NYAP2: variants seen among roughly 807,000 people sequenced by gnomAD.
NYAP2 encodes the protein neuronal tyrosine-phosphorylated phosphoinositide-3-kinase adapter 2.
In NYAP2, 23 loss-of-function variants were observed where a neutral mutation model predicts 50.4. The ratio of observed to expected loss-of-function variants is 0.46; its 90% CI spans 0.33 to 0.65. The LOEUF (loss-of-function observed/expected upper bound fraction) is 0.65. NYAP2 is among the 30% of genes least tolerant of loss of function. The pLI, the probability that NYAP2 is intolerant of heterozygous loss-of-function variation, is 0.02. For missense variants in NYAP2, 885 were observed against 861.0 expected, an observed-to-expected ratio of 1.03 and a Z score of -0.35; for synonymous variants, 394 against 365.2, an observed-to-expected ratio of 1.08 and a Z score of -0.90.
At chr2:225,525,410 A>T (rs192771362) in intron 4 of NYAP2, among the ~76,000 whole-genome samples, 94 of 152,352 alleles carry the variant, frequency 6.2e-4, no homozygotes, top group African/African-American at 2.2e-3. Flanking sequence ...AATGCAGCAT[A>T]CACATACAAA....
chr2:225,697,089 T>C, the NYAP2 span, among the ~76,000 whole-genome samples: 3 of 151,948 alleles, frequency 2.0e-5, no homozygotes, highest in Admixed American at 6.6e-5. Context: ...ATGTGGAAGC[T>C]TCCACAACCT....
intron 5 of NYAP2, among the ~76,000 whole-genome samples, chr2:225,609,903 A>C (rs1692849990): frequency 6.6e-6 from 1 of 152,146 alleles, no homozygotes; most frequent in Non-Finnish European, 1.5e-5. Flanking sequence ...TGCAGTCAAT[A>C]CTGTATTTAA....
At chr2:225,447,474 A>T (rs992542547) in intron 3 of NYAP2, among the ~76,000 whole-genome samples, 48 of 152,308 alleles carry the variant, frequency 3.2e-4, no homozygotes, top group African/African-American at 1.1e-3. Flanking sequence ...GTTCTACATT[A>T]AGACAATATG....
intron 3 of NYAP2, among the ~76,000 whole-genome samples, chr2:225,489,671 T>A (rs73075273): frequency 0.021 from 3,224 of 152,170 alleles, 93 homozygotes; most frequent in African/African-American, 0.073. Flanking sequence ...TAATCTGGAG[T>A]CATATGGCTA....
intron 3 of NYAP2, among the ~76,000 whole-genome samples, chr2:225,458,082 T>A (rs1689768055): frequency 6.6e-6 from 1 of 152,158 alleles, no homozygotes; most frequent in African/African-American, 2.4e-5. Context: ...ATACGCACAG[T>A]ACAAAAGAGA....
At chr2:225,540,555 C>T (rs549449634) in intron 4 of NYAP2, among the ~76,000 whole-genome samples, 10 of 152,332 alleles carry the variant, frequency 6.6e-5, no homozygotes, top group African/African-American at 2.4e-4. Context: ...GACTCAATTA[C>T]TTCCCACTTG....
At chr2:225,631,407 T>C (rs1022919380) in intron 6 of NYAP2, among the ~76,000 whole-genome samples, 31 of 152,296 alleles carry the variant, frequency 2.0e-4, no homozygotes, top group African/African-American at 7.2e-4. Flanking sequence ...CATACATATT[T>C]TTAGTATGTA....
chr2:225,538,525 T>G (rs1691391111), intron 4 of NYAP2, among the ~76,000 whole-genome samples: 1 of 152,178 alleles, frequency 6.6e-6, no homozygotes, highest in African/African-American at 2.4e-5. Context: ...GTGGCTGGGA[T>G]GCAGGGCACC....
chr2:225,420,842 T>G (rs546831704), intron 3 of NYAP2, among the ~76,000 whole-genome samples: 2 of 152,282 alleles, frequency 1.3e-5, no homozygotes, highest in Middle Eastern at 3.4e-3. Flanking sequence ...TATCCAGCTC[T>G]TTTACATAGA....
intron 6 of NYAP2, among the ~76,000 whole-genome samples, chr2:225,634,458 A>G (rs2106262039): frequency 6.6e-6 from 1 of 152,242 alleles, no homozygotes; most frequent in Admixed American, 6.5e-5. Context: ...AGCATTTTCC[A>G]TCATCATTTA....
At chr2:225,537,426 G>A (rs77269845) in intron 4 of NYAP2, among the ~76,000 whole-genome samples, 2 of 152,186 alleles carry the variant, frequency 1.3e-5, no homozygotes, top group East Asian at 1.9e-4. Context: ...ACATGGCTGG[G>A]GAGGCCTCAC....
intron 6 of NYAP2, among the ~76,000 whole-genome samples, chr2:225,633,932 G>T (rs1247963710): frequency 6.6e-6 from 1 of 152,176 alleles, no homozygotes; most frequent in Non-Finnish European, 1.5e-5. Context: ...TGACCATTAG[G>T]TGGAAGCATG....
chr2:225,614,307 AT>A (rs1000734474), intron 5 of NYAP2, among the ~76,000 whole-genome samples: 1 of 152,204 alleles, frequency 6.6e-6, no homozygotes, highest in African/African-American at 2.4e-5. Flanking sequence ...TAAAATAATC[AT>A]TTTTTAAACT....
At chr2:225,532,771 C>A (rs1574662415) in intron 4 of NYAP2, among the ~76,000 whole-genome samples, 1 of 152,248 alleles carries the variant, frequency 6.6e-6, no homozygotes, top group Non-Finnish European at 1.5e-5. Flanking sequence ...AGGACTGGTA[C>A]CTGCTACTAG....
At chr2:225,663,858 G>C in the NYAP2 span, among the ~76,000 whole-genome samples, 1 of 151,928 alleles carries the variant, frequency 6.6e-6, no homozygotes, top group African/African-American at 2.4e-5. Flanking sequence ...GCCCGGCCCT[G>C]TATCACTTTT....
chr2:225,479,753 C>T (rs547394227), intron 3 of NYAP2, among the ~76,000 whole-genome samples: 6 of 151,980 alleles, frequency 3.9e-5, no homozygotes, highest in East Asian at 1.9e-4. Context: ...AAACTTCAGA[C>T]GATTCAGAGG....
intron 4 of NYAP2, among the ~76,000 whole-genome samples, chr2:225,543,353 T>C (rs1303279352): frequency 6.6e-6 from 1 of 151,982 alleles, no homozygotes; most frequent in African/African-American, 2.4e-5. Flanking sequence ...TTAGGTAATT[T>C]ATTTGAAGTT....
chr2:225,597,437 T>C (rs1212925791), intron 5 of NYAP2, among the ~76,000 whole-genome samples: 9 of 146,396 alleles, frequency 6.1e-5, no homozygotes, highest in Non-Finnish European at 1.1e-4. Context: ...ATGATAATGG[T>C]CTCTGATTCC....
intron 4 of NYAP2, among the ~76,000 whole-genome samples, chr2:225,544,233 T>A (rs953000203): frequency 1.3e-5 from 2 of 151,310 alleles, no homozygotes; most frequent in African/African-American, 4.9e-5. Context: ...TTTTTTTTTT[T>A]ATCCATTGAG....
Sources: allele counts gnomAD v4.1 joint callset (sites outside exome capture counted in the v4.1 genomes callset), GRCh38; gene constraint gnomAD v4.1.1; transcripts MANE v1.5; gene names NCBI Gene and HGNC (gene_info 2026-07-23, HGNC 2026-07-21).